The following BICDL1 variants were observed in gnomAD, a reference collection of about 807,000 sequenced individuals.
The protein encoded by BICDL1 is BICD family like cargo adaptor 1.
Under a neutral mutation model 76.8 loss-of-function variants are expected in BICDL1, and 20 were observed. That is an observed-to-expected ratio of 0.26 (90% CI 0.18 to 0.38). The LOEUF is 0.38. BICDL1 is among the 10% of genes least tolerant of loss of function. BICDL1 has a pLI of 1.00. For synonymous variants in BICDL1, 383 were observed against 337.1 expected (o/e 1.14, Z -1.49); for missense variants, 700 against 798.6 (o/e 0.88, Z 1.49).
At chr12:120,025,160 C>T (rs1952267631) in intron 2 of BICDL1, among the ~76,000 whole-genome samples, 1 of 151,476 alleles carries the variant, frequency 6.6e-6, no homozygotes, top group African/African-American at 2.4e-5. Context: ...ACACCATTCT[C>T]CCGCCTCAGC....
chr12:120,024,589 A>C (rs1594130544), intron 2 of BICDL1, among the ~76,000 whole-genome samples: 1 of 152,352 alleles, frequency 6.6e-6, no homozygotes, highest in Non-Finnish European at 1.5e-5. Context: ...AACATGAAGA[A>C]AACTACACTG....
At chr12:120,091,124 C>T (rs932516103) in intron 9 of BICDL1, 23 of 1,251,080 alleles carry the variant, frequency 1.8e-5, no homozygotes, top group African/African-American at 1.4e-4. Flanking sequence ...TGGAGCCTGG[C>T]GTCATCTCTG....
At chr12:120,026,578 A>G (rs1051949965) in intron 2 of BICDL1, among the ~76,000 whole-genome samples, 2 of 152,228 alleles carry the variant, frequency 1.3e-5, no homozygotes, top group African/African-American at 2.4e-5. Flanking sequence ...GACAAAAACT[A>G]CACAAGATTT....
chr12:120,089,375 C>CGTGT (rs146342326), intron 8 of BICDL1, among the ~76,000 whole-genome samples: 1 of 148,616 alleles, frequency 6.7e-6, no homozygotes, highest in African/African-American at 2.5e-5. Context: ...GCTCTTTCAA[C>CGTGT]GTGTGTGTGT....
intron 2 of BICDL1, among the ~76,000 whole-genome samples, chr12:120,017,089 G>A (rs527500978): frequency 6.6e-6 from 1 of 152,040 alleles, no homozygotes; most frequent in Non-Finnish European, 1.5e-5. Context: ...GTAGAGACAG[G>A]GTTTCACTGT....
chr12:120,025,700 A>T (rs1328004345), intron 2 of BICDL1, among the ~76,000 whole-genome samples: 1 of 152,170 alleles, frequency 6.6e-6, no homozygotes, highest in Non-Finnish European at 1.5e-5. Flanking sequence ...CTATTTTCAA[A>T]ATAAGGTGTA....
intron 6 of BICDL1, 44 bp downstream of exon 6, chr12:120,072,773 C>G: frequency 6.4e-7 from 1 of 1,567,510 alleles, no homozygotes; most frequent in Non-Finnish European, 8.7e-7. Context: ...CAGGAGCTGG[C>G]TGGTGGGAGG....
intron 2 of BICDL1, among the ~76,000 whole-genome samples, chr12:120,004,061 G>A (rs373327639): frequency 6.6e-6 from 1 of 152,210 alleles, no homozygotes; most frequent in Non-Finnish European, 1.5e-5. Context: ...GCTGAATGGT[G>A]ATTGCTTCTG....
chr12:120,021,626 G>A (rs1337481453), intron 2 of BICDL1, among the ~76,000 whole-genome samples: 1 of 145,062 alleles, frequency 6.9e-6, no homozygotes, highest in Non-Finnish European at 1.5e-5. Context: ...TCAGCCAGGT[G>A]TGGTGGCTCA....
In BICDL1 at chr12:120,074,585, A is replaced by G; in HGVS notation, c.1451A>G (p.Gln484Arg). 8.2e-7 allele frequency: 1 copy of G among 1,221,488 alleles called. No individual in the cohort carries two copies. 75.7% of individuals were successfully genotyped at this position (1,221,488 alleles called of 1,614,324 possible). A position where few individuals can be genotyped will look rare whatever the true frequency, so the allele number is the denominator to read the frequency against. Residue 484 changes from glutamine (Q) to arginine (R), a missense_variant and splice_region_variant, in exon 7 of 10, where the codon CAG becomes CGG. Gln to Arg is a conservative substitution (Grantham distance 43). Around this residue, in one of 3 missense-constraint regions of BICDL1, gnomAD observed 455 missense variants for 548.7 expected, o/e 0.83. Coordinates refer to ENST00000548673, the MANE Select transcript of BICDL1 (RefSeq NM_001367886.1). ...GAAGAGCTGCAGCGACTCCACAGTCAGGTGAGCACCCCAACCTTCAGTTCA... is the reference window on the plus strand; with the variant it reads ...GAAGAGCTGCAGCGACTCCACAGTCGGGTGAGCACCCCAACCTTCAGTTCA... Reference protein sequence around the residue: ...SLEELQRLHSQVTLLSVEMTA... With the variant: ...SLEELQRLHSRVTLLSVEMTA...
intron 6 of BICDL1, among the ~76,000 whole-genome samples, chr12:120,074,200 T>C (rs967944472): frequency 2.0e-5 from 3 of 152,100 alleles, no homozygotes; most frequent in African/African-American, 7.2e-5. Flanking sequence ...CGTGAGCCAC[T>C]GCGCCCGGCC....
intron 2 of BICDL1, among the ~76,000 whole-genome samples, chr12:120,042,293 G>A (rs1360804834): frequency 3.3e-5 from 5 of 152,184 alleles, no homozygotes; most frequent in Admixed American, 3.3e-4. Context: ...AGGATGTGTG[G>A]ATGGGTTGGA....
intron 1 of BICDL1, among the ~76,000 whole-genome samples, chr12:119,996,985 G>A (rs900092204): frequency 3.0e-4 from 44 of 147,524 alleles, no homozygotes; most frequent in African/African-American, 1.0e-3. Context: ...GTCTCGCTCC[G>A]TCGTCCGGGC....
intron 2 of BICDL1, among the ~76,000 whole-genome samples, chr12:120,059,093 T>G (rs1953047352): frequency 6.6e-6 from 1 of 151,484 alleles, no homozygotes; most frequent in Non-Finnish European, 1.5e-5. Context: ...TTTTATTAAT[T>G]TTTTTTAATT....
At position 120,072,668 on chromosome 12, in the gene BICDL1, G is replaced by A. The variant is rs199508010; in HGVS notation, c.1247G>A (p.Arg416His). 9.9e-5 allele frequency: 159 copies of A among 1,614,100 alleles called. No individual in the cohort carries two copies. Among genetic ancestry groups the A allele is most frequent in the Middle Eastern group, 3.3e-4 (2 of 5,994 alleles). Reference sequence around the variant, plus strand: ...AAGGATGTGCCAGCCGGCAGCTTGCGCACTGCCCTCAATGAGCTCAAGAGA... The same window carrying A: ...AAGGATGTGCCAGCCGGCAGCTTGCACACTGCCCTCAATGAGCTCAAGAGA... ...SAKDVPAGSL[R>H]TALNELKRLI... Residue 416 changes from arginine (R) to histidine (H), a missense_variant, in exon 6 of 10, where the codon CGC (arginine) becomes CAC (histidine). Coordinates refer to ENST00000548673, the MANE Select transcript of BICDL1 (RefSeq NM_001367886.1).
chr12:120,085,799 CAAA>C (rs35399078), intron 8 of BICDL1, among the ~76,000 whole-genome samples: 2,126 of 69,656 alleles, frequency 0.031, 54 homozygotes, highest in African/African-American at 0.11. Context: ...GATCCTGCCT[CAAA>C]AAAAAAAAAA....
chr12:120,076,322 A>G (rs1873546282), intron 7 of BICDL1, among the ~76,000 whole-genome samples: 1 of 152,230 alleles, frequency 6.6e-6, no homozygotes, highest in Admixed American at 6.5e-5. Context: ...TGCAGGAGAA[A>G]GTTGAATCTG....
At chr12:120,088,867 T>G (rs988700047) in intron 8 of BICDL1, among the ~76,000 whole-genome samples, 1 of 151,804 alleles carries the variant, frequency 6.6e-6, no homozygotes, top group Non-Finnish European at 1.5e-5. Flanking sequence ...GGGGTTTCAC[T>G]GTTAGCCAGG....
intron 4 of BICDL1, among the ~76,000 whole-genome samples, chr12:120,067,259 G>A (rs1370752719): frequency 6.6e-6 from 1 of 152,248 alleles, no homozygotes; most frequent in Non-Finnish European, 1.5e-5. Context: ...CCAGCGACTG[G>A]GTGGATTCCA....
Sources: gnomAD v4.1 joint callset for allele counts (sites outside exome capture counted in the v4.1 genomes callset) on GRCh38, gnomAD v4.1.1 for gene constraint, gnomAD v4.1.1 regional missense constraint, MANE v1.5 for transcripts, NCBI Gene and HGNC (gene_info 2026-07-23, HGNC 2026-07-21) for gene names.